Variants in LRRC4C observed in about 807,000 individuals in gnomAD.
LRRC4C encodes the protein leucine rich repeat containing 4C.
LRRC4C carries 5 observed loss-of-function variants against 33.6 expected under a neutral mutation model. The observed-to-expected ratio is 0.15, with a 90% CI of 0.08 to 0.31. The LOEUF (loss-of-function observed/expected upper bound fraction) is 0.31. Among genes scored for constraint, LRRC4C ranks in the 10% least tolerant of loss-of-function variants. The probability of loss-of-function intolerance (pLI) is 1.00; values close to 1 mark genes in which losing one functional copy is unlikely to be tolerated. For synonymous variants in LRRC4C, 329 were observed against 302.0 expected, an observed-to-expected ratio of 1.09 and a Z score of -0.93; for missense variants, 560 against 796.7, an observed-to-expected ratio of 0.70 and a Z score of 3.58.
intron 3 of LRRC4C, among the ~76,000 whole-genome samples, chr11:40,460,757 A>C (rs930038756): frequency 6.6e-6 from 1 of 152,134 alleles, no homozygotes; most frequent in Non-Finnish European, 1.5e-5. Context: ...TGCCTTTTTC[A>C]CCATTGTATC....
intron 3 of LRRC4C, among the ~76,000 whole-genome samples, chr11:40,334,834 A>G (rs1185607404): frequency 6.6e-6 from 1 of 152,096 alleles, no homozygotes; most frequent in East Asian, 1.9e-4. Flanking sequence ...GCTACCTAAA[A>G]ACTGTAGCAG....
intron 2 of LRRC4C, among the ~76,000 whole-genome samples, chr11:40,663,506 G>A (rs760954379): frequency 9.9e-5 from 15 of 152,198 alleles, no homozygotes; most frequent in Non-Finnish European, 1.9e-4. Flanking sequence ...AGGTAGAAAT[G>A]TCAAAATGTT....
At chr11:40,246,641 TTC>T (rs1866361757) in intron 4 of LRRC4C, among the ~76,000 whole-genome samples, 1 of 152,138 alleles carries the variant, frequency 6.6e-6, no homozygotes, top group Non-Finnish European at 1.5e-5. Flanking sequence ...GAAATATATC[TTC>T]TGTTTTTTTT....
At chr11:40,989,732 T>G (rs561854590) in intron 1 of LRRC4C, among the ~76,000 whole-genome samples, 107 of 152,286 alleles carry the variant, frequency 7.0e-4, no homozygotes, top group African/African-American at 2.5e-3. Flanking sequence ...CTATAAGTTT[T>G]GCAGTGGTAG....
At chr11:40,385,270 A>G (rs1468776497) in intron 3 of LRRC4C, among the ~76,000 whole-genome samples, 1 of 152,160 alleles carries the variant, frequency 6.6e-6, no homozygotes, top group Non-Finnish European at 1.5e-5. Flanking sequence ...CTGGGAGGAA[A>G]CATTAAGTCA....
At chr11:40,609,679 A>T (rs1281121826) in intron 3 of LRRC4C, among the ~76,000 whole-genome samples, 1 of 151,958 alleles carries the variant, frequency 6.6e-6, no homozygotes, top group Non-Finnish European at 1.5e-5. Flanking sequence ...AAGAGAGAAG[A>T]CTTAGTAAAT....
At chr11:41,120,963 T>C (rs755208250) in intron 1 of LRRC4C, among the ~76,000 whole-genome samples, 1 of 152,120 alleles carries the variant, frequency 6.6e-6, no homozygotes, top group African/African-American at 2.4e-5. Context: ...TCTGTGATGA[T>C]TGTAAGTTTC....
intron 3 of LRRC4C, among the ~76,000 whole-genome samples, chr11:40,503,199 T>C (rs1312130197): frequency 1.3e-5 from 2 of 152,206 alleles, no homozygotes; most frequent in Non-Finnish European, 2.9e-5. Flanking sequence ...TGTGAAGGTA[T>C]GTAAAAACAT....
At chr11:40,130,302 T>C (rs1374032559) in intron 6 of LRRC4C, among the ~76,000 whole-genome samples, 1 of 152,214 alleles carries the variant, frequency 6.6e-6, no homozygotes, top group East Asian at 1.9e-4. Flanking sequence ...TGCTAATATT[T>C]TAAGTCTGGA....
intron 1 of LRRC4C, among the ~76,000 whole-genome samples, chr11:41,140,528 C>A (rs1389853655): frequency 6.6e-6 from 1 of 152,216 alleles, no homozygotes; most frequent in Non-Finnish European, 1.5e-5. Context: ...AGTCAGCACA[C>A]AATCTTTTCT....
chr11:40,469,867 A>C (rs1385715778), intron 3 of LRRC4C, among the ~76,000 whole-genome samples: 3 of 152,178 alleles, frequency 2.0e-5, no homozygotes, highest in Admixed American at 6.5e-5. Flanking sequence ...CCTGAAAGAA[A>C]GGCAGCAGCC....
At chr11:40,527,721 T>C (rs191824649) in intron 3 of LRRC4C, among the ~76,000 whole-genome samples, 58 of 152,132 alleles carry the variant, frequency 3.8e-4, no homozygotes, top group East Asian at 5.8e-4. Flanking sequence ...AATATAGAGG[T>C]CTACAGCACA....
intron 1 of LRRC4C, among the ~76,000 whole-genome samples, chr11:41,404,840 C>G (rs559816271): frequency 3.5e-4 from 53 of 152,054 alleles, no homozygotes; most frequent in African/African-American, 1.2e-3. Context: ...TTTTAAAAAG[C>G]AAATATAGAA....
At chr11:41,006,018 A>T (rs1372670504) in intron 1 of LRRC4C, among the ~76,000 whole-genome samples, 1 of 152,080 alleles carries the variant, frequency 6.6e-6, no homozygotes, top group African/African-American at 2.4e-5. Flanking sequence ...ATTTAAAGTA[A>T]ACTAGTCACA....
At chr11:40,811,011 G>C (rs1951465840) in intron 2 of LRRC4C, among the ~76,000 whole-genome samples, 1 of 152,136 alleles carries the variant, frequency 6.6e-6, no homozygotes, top group African/African-American at 2.4e-5. Context: ...TCAGACCTCT[G>C]TCTTTCTCTC....
At chr11:40,289,243 G>T (rs1024341472) in intron 4 of LRRC4C, among the ~76,000 whole-genome samples, 1 of 152,086 alleles carries the variant, frequency 6.6e-6, no homozygotes, top group Non-Finnish European at 1.5e-5. Flanking sequence ...ATTAATACAC[G>T]TTAATCCAAG....
At chr11:40,988,755 C>T (rs1346288422) in intron 1 of LRRC4C, among the ~76,000 whole-genome samples, 1 of 133,262 alleles carries the variant, frequency 7.5e-6, no homozygotes, top group African/African-American at 2.8e-5. Flanking sequence ...GTCGTTAGGT[C>T]GCCCAGGCTG....
intron 3 of LRRC4C, among the ~76,000 whole-genome samples, chr11:40,413,773 C>A (rs1950230405): frequency 6.6e-6 from 1 of 152,074 alleles, no homozygotes; most frequent in Non-Finnish European, 1.5e-5. Flanking sequence ...AAATCACTGA[C>A]CCTACTTGAA....
chr11:40,485,889 A>G (rs1953836901), intron 3 of LRRC4C, among the ~76,000 whole-genome samples: 1 of 152,054 alleles, frequency 6.6e-6, no homozygotes, highest in Non-Finnish European at 1.5e-5. Flanking sequence ...AAACTAACAC[A>G]GGAACAGAAA....
Sources: allele counts gnomAD v4.1 joint callset (sites outside exome capture counted in the v4.1 genomes callset), GRCh38; gene constraint gnomAD v4.1.1; transcripts MANE v1.5; gene names NCBI Gene and HGNC (gene_info 2026-07-23, HGNC 2026-07-21).